HECW1: variants seen among roughly 807,000 people sequenced by gnomAD.
HECW1 encodes E3 ubiquitin-protein ligase HECW1.
A neutral mutation model predicts 182.3 loss-of-function variants in HECW1; 61 were observed. The observed-to-expected ratio is 0.33, with a 90% CI of 0.27 to 0.41. The LOEUF (loss-of-function observed/expected upper bound fraction) is 0.41, where lower values mean the gene tolerates loss of function less well. Among genes scored for constraint, HECW1 ranks in the 10% least tolerant of loss-of-function variants. HECW1 has a pLI of 1.00. For missense variants in HECW1, 1,739 were observed against 2,108.9 expected (o/e 0.82, Z 3.44); for synonymous variants, 859 against 832.6 (o/e 1.03, Z -0.55).
intron 5 of HECW1, among the ~76,000 whole-genome samples, chr7:43,336,672 ATAAG>A (rs1420710466): frequency 6.6e-6 from 1 of 152,144 alleles, no homozygotes; most frequent in Non-Finnish European, 1.5e-5. Flanking sequence ...ATTGAACTCA[ATAAG>A]TAATTTTTCA....
intron 29 of HECW1, among the ~76,000 whole-genome samples, chr7:43,561,584 T>G (rs897929332): frequency 2.0e-5 from 3 of 152,280 alleles, no homozygotes; most frequent in Non-Finnish European, 4.4e-5. Flanking sequence ...CTAGTGTAGT[T>G]GGTTTGCTTG....
chr7:43,262,001 A>T (rs1016720449), intron 3 of HECW1, among the ~76,000 whole-genome samples: 2 of 152,100 alleles, frequency 1.3e-5, no homozygotes, highest in African/African-American at 2.4e-5. Flanking sequence ...CAGGAGAATC[A>T]CTTGAGACCA....
intron 2 of HECW1, among the ~76,000 whole-genome samples, chr7:43,156,339 G>A (rs902739564): frequency 3.9e-5 from 6 of 152,106 alleles, no homozygotes; most frequent in African/African-American, 1.2e-4. Context: ...TGAATTATGG[G>A]GTGTGCCCAA....
chr7:43,171,210 A>C (rs974482478), intron 2 of HECW1, among the ~76,000 whole-genome samples: 5 of 152,138 alleles, frequency 3.3e-5, no homozygotes, highest in Non-Finnish European at 7.4e-5. Flanking sequence ...GTGCCTTTAC[A>C]ATCAAGGAGT....
intron 1 of HECW1, 89 bp from the exon 2 acceptor site, chr7:43,114,068 T>C: frequency 2.4e-6 from 1 of 422,344 alleles, no homozygotes; most frequent in Non-Finnish European, 4.3e-6. Context: ...GAAGATATTA[T>C]TTGACGTTGC....
chr7:43,423,708 C>T (rs2076268124), intron 8 of HECW1, among the ~76,000 whole-genome samples: 1 of 152,164 alleles, frequency 6.6e-6, no homozygotes, highest in Non-Finnish European at 1.5e-5. Context: ...GAGCTGACAG[C>T]TCATGTGCAA....
chr7:43,209,764 C>T (rs1795836170), intron 2 of HECW1, among the ~76,000 whole-genome samples: 1 of 152,024 alleles, frequency 6.6e-6, no homozygotes, highest in African/African-American at 2.4e-5. Context: ...GAAGAGTGGA[C>T]ATATCTGAAT....
At chr7:43,146,229 T>G (rs1177071279) in intron 2 of HECW1, among the ~76,000 whole-genome samples, 1 of 152,242 alleles carries the variant, frequency 6.6e-6, no homozygotes, top group Non-Finnish European at 1.5e-5. Flanking sequence ...ATTGACATTC[T>G]GGGTCCAATA....
intron 5 of HECW1, among the ~76,000 whole-genome samples, chr7:43,331,571 C>A (rs563648743): frequency 6.8e-6 from 1 of 147,872 alleles, no homozygotes; most frequent in Admixed American, 6.8e-5. Flanking sequence ...CCAGCCTGGG[C>A]GACAGAGCAA....
At chr7:43,191,741 GCTT>G (rs1225232294) in intron 2 of HECW1, among the ~76,000 whole-genome samples, 4 of 152,066 alleles carry the variant, frequency 2.6e-5, no homozygotes, top group African/African-American at 9.7e-5. Context: ...CTTTTACATT[GCTT>G]AAGTATTTCA....
At chr7:43,235,296 C>T (rs1334141099) in intron 2 of HECW1, among the ~76,000 whole-genome samples, 1 of 152,192 alleles carries the variant, frequency 6.6e-6, no homozygotes, top group Non-Finnish European at 1.5e-5. Flanking sequence ...GAGGTTTGGC[C>T]CTCCTTGATG....
rs79935257 is a variant in HECW1 at position 43,339,327 on chromosome 7, G to A, written c.460+18585G>A. 7.4e-3 allele frequency among the ~76,000 whole-genome samples: 1,127 copies of A among 151,840 alleles called. 18 individuals carry two copies. The highest frequency in any genetic ancestry group is 0.026 in the African/African-American group (1,077 of 41,334). On this transcript the variant is annotated intron_variant, in intron 5 of 29. Coordinates refer to ENST00000395891, the MANE Select transcript of HECW1 (RefSeq NM_015052.5). ...TCTTTCCTCTACCTTCTTTCAATCC[G>A]GATATTTTCAGTCGACCTATCTCCC...
intron 7 of HECW1, among the ~76,000 whole-genome samples, chr7:43,400,694 GA>G (rs1369574438): frequency 6.6e-6 from 1 of 152,262 alleles, no homozygotes; most frequent in Non-Finnish European, 1.5e-5. Context: ...TGCAAAAATA[GA>G]AACTTAGAAA....
chr7:43,542,826 C>T (rs533966786), intron 26 of HECW1, among the ~76,000 whole-genome samples: 25 of 152,280 alleles, frequency 1.6e-4, no homozygotes, highest in African/African-American at 5.1e-4. Flanking sequence ...TAAATCTGCC[C>T]GTGTCCTCTT....
At chr7:43,392,081 C>T (rs1455375155) in intron 6 of HECW1, among the ~76,000 whole-genome samples, 2 of 152,118 alleles carry the variant, frequency 1.3e-5, no homozygotes, top group Non-Finnish European at 2.9e-5. Context: ...ATGATATTTT[C>T]ACCTCATTTT....
rs190049224 is a variant in HECW1 at position 43,430,908 on chromosome 7, A to T, written c.802-7095A>T. ...GCAATTCTCCTGCCTCAGCCTCCCAAGTAGCTGGGATTACAGGCGCATGCC... is the reference window on the plus strand; with the variant it reads ...GCAATTCTCCTGCCTCAGCCTCCCATGTAGCTGGGATTACAGGCGCATGCC... On this transcript the variant is annotated intron_variant, in intron 8 of 29. Coordinates refer to ENST00000395891, the MANE Select transcript of HECW1 (RefSeq NM_015052.5). Among the ~76,000 whole-genome samples the T allele has an allele frequency of 3.5e-4, 53 of 151,508 alleles. No individual in the cohort carries two copies. The South Asian group carries it at 0.011, about 31-fold the overall frequency.
chr7:43,496,766 G>A (rs1309057252), intron 19 of HECW1, among the ~76,000 whole-genome samples: 1 of 152,146 alleles, frequency 6.6e-6, no homozygotes, highest in Non-Finnish European at 1.5e-5. Context: ...TGACAGCAGT[G>A]ACTTGCGGTG....
At chr7:43,540,368 G>C (rs1363112313) in intron 24 of HECW1, among the ~76,000 whole-genome samples, 5 of 152,176 alleles carry the variant, frequency 3.3e-5, no homozygotes, top group Non-Finnish European at 7.3e-5. Context: ...CACATGGTGG[G>C]GAAAGCATAG....
At chr7:43,286,766 G>A (rs75344053) in intron 3 of HECW1, among the ~76,000 whole-genome samples, 11 of 152,084 alleles carry the variant, frequency 7.2e-5, no homozygotes, top group South Asian at 2.1e-4. Flanking sequence ...TCATAGTCTC[G>A]GCCTACATAG....
Sources: allele counts gnomAD v4.1 joint callset (sites outside exome capture counted in the v4.1 genomes callset), GRCh38; gene constraint gnomAD v4.1.1; transcripts MANE v1.5; gene names NCBI Gene and HGNC (gene_info 2026-07-23, HGNC 2026-07-21).